KCNIP1: variants seen among roughly 807,000 people sequenced by gnomAD.
KCNIP1 encodes potassium voltage-gated channel interacting protein 1.
KCNIP1 carries 18 observed loss-of-function variants against 33.0 expected under a neutral mutation model. The ratio of observed to expected loss-of-function variants is 0.55; its 90% confidence interval spans 0.38 to 0.81. KCNIP1 has a LOEUF of 0.81. Ranked by LOEUF, KCNIP1 falls within the 30% of genes least tolerant of loss-of-function variation. The pLI is 0.00. For missense variants in KCNIP1, 238 were observed against 271.6 expected (o/e 0.88, Z 0.87); for synonymous variants, 93 against 98.3 (o/e 0.95, Z 0.32).
At chr5:170,466,729 G>A (rs898748539) in intron 1 of KCNIP1, among the ~76,000 whole-genome samples, 3 of 152,112 alleles carry the variant, frequency 2.0e-5, no homozygotes, top group African/African-American at 4.8e-5. Context: ...GAGGATGTAC[G>A]GAAGCTCTCT....
Position 170,736,035 on chromosome 5 carries a change from A to G in KCNIP1, c.*229A>G, listed in dbSNP as rs1764376591. ...TTCTTCTTGAGAGAGACAAGATGAA[A>G]TTTGAGTTTGTTTTGGAAGCATGCT... On this transcript the variant is annotated 3_prime_UTR_variant, in exon 8 of 8. Coordinates refer to ENST00000328939, the MANE Select transcript of KCNIP1 (RefSeq NM_014592.4). The G allele has an allele frequency of 5.4e-6, 3 of 553,108 alleles. No individual in the cohort carries two copies. Among genetic ancestry groups the G allele is most frequent in the Non-Finnish European group, 9.6e-6 (3 of 311,460 alleles). The allele number at this position is 553,108 out of a possible 1,614,324, so 34.3% of individuals were successfully genotyped here.
chr5:170,710,427 T>A (rs530889090), intron 1 of KCNIP1, among the ~76,000 whole-genome samples: 1 of 152,258 alleles, frequency 6.6e-6, no homozygotes, highest in East Asian at 1.9e-4. Context: ...AGCCCAGATA[T>A]GATTAATCCA....
At chr5:170,639,320 C>T (rs1276270306) in intron 1 of KCNIP1, 1 of 152,222 alleles carries the variant, frequency 6.6e-6, no homozygotes, top group Admixed American at 6.5e-5. Flanking sequence ...CCACGATCAC[C>T]TCCACTTTAT....
chr5:170,504,514 T>G lies in KCNIP1; in HGVS notation c.-59T>G. The G allele has an allele frequency of 6.2e-7, 1 of 1,607,614 alleles. No individual in the cohort carries two copies. Among genetic ancestry groups the G allele is most frequent in the South Asian group, 1.1e-5 (1 of 90,980 alleles). Reference sequence around the variant, plus strand: ...AGTAGACAAACCACGGGGATTTCTTTCCAGGGTAGGGGAGGGGCCGGGCCC... The same window carrying G: ...AGTAGACAAACCACGGGGATTTCTTGCCAGGGTAGGGGAGGGGCCGGGCCC... On this transcript the variant is annotated 5_prime_UTR_variant, in exon 1 of 8. Coordinates refer to ENST00000328939, the MANE Select transcript of KCNIP1 (RefSeq NM_014592.4). The surrounding 1 kb of genome is among the most constrained non-coding windows in gnomAD (Gnocchi z 6.0).
intron 1 of KCNIP1, among the ~76,000 whole-genome samples, chr5:170,471,664 C>T (rs1756731103): frequency 6.6e-6 from 1 of 152,122 alleles, no homozygotes; most frequent in Admixed American, 6.5e-5. Context: ...AGCAGCGGGC[C>T]AGGTGCTGAA....
intron 1 of KCNIP1, among the ~76,000 whole-genome samples, chr5:170,620,867 G>A (rs1759574629): frequency 6.6e-6 from 1 of 152,078 alleles, no homozygotes; most frequent in Non-Finnish European, 1.5e-5. Context: ...GCTCAAAGAG[G>A]CATGAGGGCC....
chr5:170,519,196 T>A (rs535969979), intron 1 of KCNIP1, among the ~76,000 whole-genome samples: 1 of 152,308 alleles, frequency 6.6e-6, no homozygotes, highest in South Asian at 2.1e-4. Flanking sequence ...AGTGGAGACA[T>A]TGAGCTGATA....
intron 1 of KCNIP1, among the ~76,000 whole-genome samples, chr5:170,480,596 C>A (rs901308029): frequency 6.6e-6 from 1 of 151,702 alleles, no homozygotes; most frequent in Non-Finnish European, 1.5e-5. Context: ...CATGCCACCA[C>A]GCCTGGTTAA....
chr5:170,436,197 A>C (rs1381339394), intron 1 of KCNIP1, among the ~76,000 whole-genome samples: 1 of 152,238 alleles, frequency 6.6e-6, no homozygotes, highest in African/African-American at 2.4e-5. Flanking sequence ...AGTATTCTAA[A>C]ACAATTAATG....
intron 1 of KCNIP1, among the ~76,000 whole-genome samples, chr5:170,636,189 G>A (rs927552372): frequency 6.6e-6 from 1 of 152,262 alleles, no homozygotes; most frequent in Non-Finnish European, 1.5e-5. Context: ...CTGGAGTTGG[G>A]GGGAAAGCCT....
Position 170,628,583 on chromosome 5 carries a change from T to G in KCNIP1, c.62-90175T>G, listed in dbSNP as rs562989294. ...ACACTGGTTTGGGGAAAAAATGTAA[T>G]AAAATATGTGATCCAGAAGGCGGCC... On this transcript the variant is annotated intron_variant, in intron 1 of 7. Transcript: ENST00000328939. Among the ~76,000 whole-genome samples, 6 of 152,100 alleles carry G rather than the reference T, an allele frequency of 3.9e-5. No homozygotes were observed. The South Asian group carries it at 1.0e-3, about 26-fold the overall frequency.
chr5:170,671,218 A>G (rs1413172980), intron 1 of KCNIP1, among the ~76,000 whole-genome samples: 1 of 152,210 alleles, frequency 6.6e-6, no homozygotes, highest in Non-Finnish European at 1.5e-5. Flanking sequence ...AACACGGTCT[A>G]CAATATTCTG....
chr5:170,606,035 A>G (rs1758903330), intron 1 of KCNIP1, among the ~76,000 whole-genome samples: 1 of 152,128 alleles, frequency 6.6e-6, no homozygotes, highest in African/African-American at 2.4e-5. Flanking sequence ...TCGGCCTCTC[A>G]AAGTGGTGGG....
chr5:170,693,913 T>C (rs962594020), intron 1 of KCNIP1, among the ~76,000 whole-genome samples: 1 of 152,136 alleles, frequency 6.6e-6, no homozygotes, highest in Admixed American at 6.5e-5. Flanking sequence ...TTCATGGGTG[T>C]GGCCTTTGGA....
At chr5:170,399,824 T>A (rs1581154504) in intron 1 of KCNIP1, among the ~76,000 whole-genome samples, 1 of 152,248 alleles carries the variant, frequency 6.6e-6, no homozygotes, top group African/African-American at 2.4e-5. Flanking sequence ...TTCCAGGTTT[T>A]GCTATTATAA....
chr5:170,383,155 A>C (rs984000209), intron 1 of KCNIP1: 1 of 184,154 alleles, frequency 5.4e-6, no homozygotes, highest in Non-Finnish European at 1.1e-5. Context: ...GTTGGGATGC[A>C]AGGATGGAAA....
chr5:170,537,668 G>A (rs940566149), intron 1 of KCNIP1, among the ~76,000 whole-genome samples: 4 of 152,312 alleles, frequency 2.6e-5, no homozygotes, highest in Admixed American at 6.5e-5. Flanking sequence ...GACACGAGGT[G>A]TCAACTCCCA....
Position 170,537,058 on chromosome 5 carries a change from G to A in KCNIP1, c.61+32425G>A, listed in dbSNP as rs1305668115. 3.3e-5 allele frequency among the ~76,000 whole-genome samples: 5 copies of A among 152,154 alleles called. No individual in the cohort carries two copies. In the South Asian group the frequency reaches 6.2e-4, roughly 19 times the overall value. ...CTCTGCCAGCACGACCAACTCTCCCGGGACACCCCCTCAGGTCCGTCCTTG... is the reference window on the plus strand; with the variant it reads ...CTCTGCCAGCACGACCAACTCTCCCAGGACACCCCCTCAGGTCCGTCCTTG... On this transcript the variant is annotated intron_variant, in intron 1 of 7. Coordinates refer to ENST00000328939, the MANE Select transcript of KCNIP1 (RefSeq NM_014592.4).
intron 4 of KCNIP1, among the ~76,000 whole-genome samples, chr5:170,722,223 G>A (rs942638467): frequency 6.6e-6 from 1 of 152,146 alleles, no homozygotes; most frequent in Non-Finnish European, 1.5e-5. Context: ...TAACCCTATA[G>A]GGTAGGGTTT....
Sources: gnomAD v4.1 joint callset for allele counts (sites outside exome capture counted in the v4.1 genomes callset) on GRCh38, gnomAD v4.1.1 for gene constraint, Gnocchi (gnomAD v3.1) non-coding constraint, MANE v1.5 for transcripts, NCBI Gene and HGNC (gene_info 2026-07-23, HGNC 2026-07-21) for gene names.